Variants in IFRD1 observed in about 807,000 individuals in gnomAD.
IFRD1 encodes interferon-related developmental regulator 1.
IFRD1 carries 35 observed loss-of-function variants against 52.9 expected under a neutral mutation model. The observed-to-expected ratio is 0.66, with a 90% CI of 0.51 to 0.88. The LOEUF (loss-of-function observed/expected upper bound fraction) is 0.88, where lower values mean the gene tolerates loss of function less well. Ranked by LOEUF, IFRD1 falls within the 40% of genes least tolerant of loss-of-function variation. The probability of loss-of-function intolerance (pLI) is 0.00; values close to 1 mark genes in which losing one functional copy is unlikely to be tolerated. For synonymous variants in IFRD1, 184 were observed against 188.4 expected (o/e 0.98, Z 0.19); for missense variants, 517 against 550.8 (o/e 0.94, Z 0.61).
Position 112,450,583 on chromosome 7 carries a change from G to T in IFRD1, c.-106G>T. The T allele has an allele frequency of 1.2e-6, 1 of 845,214 alleles. No individual in the cohort carries two copies. The highest frequency in any genetic ancestry group is 1.4e-5 in the South Asian group (1 of 71,562). The allele number at this position is 845,214 out of a possible 1,614,324, so 52.4% of individuals were successfully genotyped here. A position where few individuals can be genotyped will look rare whatever the true frequency, so the allele number is the denominator to read the frequency against. On this transcript the variant is annotated 5_prime_UTR_variant, in exon 1 of 12. Transcript: ENST00000403825. ...CTTCTCGACTCTGTTGTTAGCCGAA[G>T]ACTCGCCTCTCAGCCGCCCGCCGCA... is the stretch of plus-strand genomic sequence containing the variant.
upstream of IFRD1, among the ~76,000 whole-genome samples, chr7:112,448,566 A>T (rs1358267410): frequency 6.6e-6 from 1 of 152,150 alleles, no homozygotes; most frequent in Non-Finnish European, 1.5e-5. Flanking sequence ...ACAAGGAGTC[A>T]GTGTGAGCTG....
intron 1 of IFRD1, among the ~76,000 whole-genome samples, chr7:112,443,580 C>T (rs1429400444): frequency 6.8e-6 from 1 of 146,348 alleles, no homozygotes; most frequent in Non-Finnish European, 1.5e-5. Flanking sequence ...AAAAAAAGCC[C>T]CCCAAAAACG....
chr7:112,445,552 C>A (rs369520003), upstream of IFRD1, among the ~76,000 whole-genome samples: 61 of 152,320 alleles, frequency 4.0e-4, no homozygotes, highest in African/African-American at 1.4e-3. Flanking sequence ...TGTGGACTTG[C>A]AATAAATGTT....
rs1037249764 is a variant in IFRD1 at position 112,462,331 on chromosome 7, G to T, written c.859G>T (p.Gly287Cys). ...CDDVNMRIAA[G>C]ESLALLFELA... Reference sequence around the variant, plus strand: ...TGATGTAAACATGAGAATAGCTGCTGGTGAATCTTTGGCACTTCTCTTTGA... The same window carrying T: ...TGATGTAAACATGAGAATAGCTGCTTGTGAATCTTTGGCACTTCTCTTTGA... Residue 287 changes from glycine to cysteine, a missense_variant, in exon 8 of 12, where the codon GGT (glycine) becomes TGT (cysteine). Gly to Cys is a radical substitution (Grantham distance 159). Coordinates refer to ENST00000403825, the MANE Select transcript of IFRD1 (RefSeq NM_001550.4). 1 of 1,613,760 alleles carries T rather than the reference G, an allele frequency of 6.2e-7. No individual in the cohort carries two copies. The highest frequency in any genetic ancestry group is 8.5e-7 in the Non-Finnish European group (1 of 1,179,758).
chr7:112,475,904 G>C lies in IFRD1; in HGVS notation c.*385G>C, dbSNP rs35930058. ...CTTAATATCTTAGACAAGAGTTCTGGGTACAATTTTGGGATCTAGTTCCCC... is the reference window on the plus strand; with the variant it reads ...CTTAATATCTTAGACAAGAGTTCTGCGTACAATTTTGGGATCTAGTTCCCC... On this transcript the variant is annotated 3_prime_UTR_variant, in exon 12 of 12. Transcript: ENST00000403825. 9.8e-3 allele frequency: 1,640 copies of C among 167,066 alleles called. 10 individuals are homozygous for C. Among genetic ancestry groups the C allele is most frequent in the Non-Finnish European group, 0.016 (1,254 of 77,376 alleles). 10.3% of individuals were successfully genotyped at this position (167,066 alleles called of 1,614,324 possible). A position where few individuals can be genotyped will look rare whatever the true frequency, so the allele number is the denominator to read the frequency against.
intron 9 of IFRD1, among the ~76,000 whole-genome samples, chr7:112,469,221 A>ATGAGAATTTAAACTGGGG (rs1795686436): frequency 1.3e-5 from 2 of 152,312 alleles, no homozygotes; most frequent in African/African-American, 4.8e-5. Context: ...TAAACTGGAG[A>ATGAGAATTTAAACTGGGG]TGGTGAGACC....
chr7:112,472,462 A>G, intron 10 of IFRD1, 115 bp downstream of exon 10: 2 of 1,139,658 alleles, frequency 1.8e-6, no homozygotes, highest in East Asian at 2.4e-5. Context: ...CACATGTTAG[A>G]AAACAGTAAA....
intron 1 of IFRD1, among the ~76,000 whole-genome samples, chr7:112,436,435 T>C (rs1247794616): frequency 6.6e-6 from 1 of 152,154 alleles, no homozygotes; most frequent in Non-Finnish European, 1.5e-5. Context: ...TCACTATCAA[T>C]GATTAAATGG....
intron 11 of IFRD1, among the ~76,000 whole-genome samples, chr7:112,474,951 T>A (rs549610537): frequency 1.4e-5 from 2 of 146,986 alleles, no homozygotes; most frequent in East Asian, 3.9e-4. Flanking sequence ...GAATAGCCAT[T>A]AACTCTTTAT....
At position 112,469,167 on chromosome 7, in the gene IFRD1, T is replaced by C. The variant is rs113205398; in HGVS notation, c.1041+1052T>C. On this transcript the variant is annotated intron_variant, in intron 9 of 11. Transcript: ENST00000403825. ...AGTTATTTTAAGAATATCATCAAAA[T>C]GTCATTCAACTTGATGTGTGTGTGA... Among the ~76,000 whole-genome samples the C allele has an allele frequency of 3.2e-3, 481 of 152,334 alleles. 6 individuals are homozygous for C. Among genetic ancestry groups the C allele is most frequent in the African/African-American group, 0.011 (461 of 41,586 alleles).
intron 9 of IFRD1, among the ~76,000 whole-genome samples, chr7:112,471,805 CT>C (rs1412014053): frequency 3.9e-5 from 6 of 152,030 alleles, no homozygotes; most frequent in African/African-American, 1.4e-4. Context: ...CCCTCACTTC[CT>C]TCCCTGGATC....
chr7:112,460,776 T>A (rs78475297), intron 5 of IFRD1, among the ~76,000 whole-genome samples: 1 of 149,766 alleles, frequency 6.7e-6, no homozygotes, highest in Non-Finnish European at 1.5e-5. Context: ...TGGAACAGAC[T>A]GGCTAAAACC....
chr7:112,447,561 A>G (rs375513702), upstream of IFRD1, among the ~76,000 whole-genome samples: 2 of 152,208 alleles, frequency 1.3e-5, no homozygotes, highest in East Asian at 1.9e-4. Context: ...GTTCTGGTCA[A>G]CATGTAGGTG....
At chr7:112,470,129 G>A (rs1795709698) in intron 9 of IFRD1, among the ~76,000 whole-genome samples, 1 of 152,062 alleles carries the variant, frequency 6.6e-6, no homozygotes, top group Non-Finnish European at 1.5e-5. Flanking sequence ...CCTCAAATCA[G>A]CAAGCACTTA....
Position 112,462,109 on chromosome 7 carries a change from A to G in IFRD1, c.727A>G (p.Ser243Gly). ...CACTCCTAATACAGTGCTTCATATC[A>G]GCTCTCTTCTTGCATGGACACTACT... ...CSTPNTVLHI[S>G]SLLAWTLLLT... is the part of the protein sequence containing the mutation. Residue 243 changes from serine to glycine, a missense_variant, in exon 7 of 12, where the codon AGC becomes GGC. By Grantham distance (56) the Ser-to-Gly change is moderately conservative. Coordinates refer to ENST00000403825, the MANE Select transcript of IFRD1 (RefSeq NM_001550.4). 6.2e-7 allele frequency: 1 copy of G among 1,613,844 alleles called. No individual in the cohort carries two copies. Among genetic ancestry groups the G allele is most frequent in the Non-Finnish European group, 8.5e-7 (1 of 1,179,860 alleles).
chr7:112,472,167 C>A lies in IFRD1; in HGVS notation c.1042-52C>A, dbSNP rs1795765612. ...TTTAGAAATTGTGTTTACATAAGATCCCTCTGAGCCATTTTAGTGCCTGTG... is the reference window on the plus strand; with the variant it reads ...TTTAGAAATTGTGTTTACATAAGATACCTCTGAGCCATTTTAGTGCCTGTG... On this transcript the variant is annotated intron_variant, in intron 9 of 11. Coordinates refer to ENST00000403825, the MANE Select transcript of IFRD1 (RefSeq NM_001550.4). The A allele has an allele frequency of 1.0e-5, 16 of 1,595,404 alleles. 1 individual carries two copies. The South Asian group carries it at 1.4e-4, about 14-fold the overall frequency.
intron 1 of IFRD1, among the ~76,000 whole-genome samples, chr7:112,433,362 A>T (rs902638623): frequency 6.6e-6 from 1 of 152,186 alleles, no homozygotes; most frequent in Non-Finnish European, 1.5e-5. Flanking sequence ...GTGCTGAATC[A>T]GTTCCTGGGT....
chr7:112,452,431 G>C (rs895374321), intron 1 of IFRD1: 3 of 981,402 alleles, frequency 3.1e-6, no homozygotes, highest in Non-Finnish European at 3.6e-6. Context: ...TGCTGGGACG[G>C]TGCCTGGTCT....
At chr7:112,450,377 G>C, upstream of IFRD1, 1 of 429,614 alleles carries the variant, frequency 2.3e-6, no homozygotes, top group Non-Finnish European at 4.4e-6. Context: ...GCAGGGATTG[G>C]TTGGGAAGCG....
Sources: allele counts gnomAD v4.1 joint callset (sites outside exome capture counted in the v4.1 genomes callset), GRCh38; gene constraint gnomAD v4.1.1; transcripts MANE v1.5; gene names NCBI Gene and HGNC (gene_info 2026-07-23, HGNC 2026-07-21).